The following C1orf198 variants were observed in gnomAD, a reference collection of about 807,000 sequenced individuals.
C1orf198 encodes the protein chromosome 1 open reading frame 198.
In C1orf198, 17 loss-of-function variants were observed where a neutral mutation model predicts 31.4. The observed-to-expected ratio is 0.54, with a 90% CI of 0.37 to 0.81. The LOEUF (loss-of-function observed/expected upper bound fraction) is 0.81, where lower values mean the gene tolerates loss of function less well. Among genes scored for constraint, C1orf198 ranks in the 40% least tolerant of loss-of-function variants. The probability of loss-of-function intolerance (pLI) is 0.00; values close to 1 mark genes in which losing one functional copy is unlikely to be tolerated. For missense variants in C1orf198, 401 were observed against 450.3 expected, an observed-to-expected ratio of 0.89 and a Z score of 0.99; for synonymous variants, 175 against 193.8, an observed-to-expected ratio of 0.90 and a Z score of 0.81.
chr1:230,859,938 G>A (rs1669972708), intron 1 of C1orf198, among the ~76,000 whole-genome samples: 1 of 152,150 alleles, frequency 6.6e-6, no homozygotes, highest in Non-Finnish European at 1.5e-5. Context: ...ATGGATACTG[G>A]AGGGCTTAAG....
At chr1:230,845,820 T>C (rs2103945) in intron 2 of C1orf198, among the ~76,000 whole-genome samples, 11,602 of 152,276 alleles carry the variant, frequency 0.076, 1,441 homozygotes, top group African/African-American at 0.26. Flanking sequence ...CCTCCTCCCA[T>C]AATCACTACT....
At chr1:230,844,033 G>T in intron 2 of C1orf198, 137 bp from the exon 3 acceptor site, 1 of 907,766 alleles carries the variant, frequency 1.1e-6, no homozygotes, top group Non-Finnish European at 1.6e-6. Context: ...CCATGTGCTG[G>T]AACTGTCTGT....
intron 1 of C1orf198, among the ~76,000 whole-genome samples, chr1:230,865,910 C>T (rs1435804078): frequency 6.6e-6 from 1 of 152,182 alleles, no homozygotes; most frequent in Admixed American, 6.5e-5. Context: ...GGAGAGGATA[C>T]CATTCAAAGA....
chr1:230,865,266 C>T (rs16852927), intron 1 of C1orf198, among the ~76,000 whole-genome samples: 21,379 of 152,188 alleles, frequency 0.14, 1,879 homozygotes, highest in East Asian at 0.38. Flanking sequence ...ACCGGCTCCT[C>T]TCCTTTTGCT....
intron 2 of C1orf198, among the ~76,000 whole-genome samples, chr1:230,847,011 G>A (rs1454637969): frequency 1.3e-5 from 2 of 150,722 alleles, no homozygotes; most frequent in African/African-American, 2.5e-5. Context: ...GCTGAGGCAG[G>A]AGAATGGCGT....
In C1orf198 at chr1:230,843,655, G is replaced by A. The variant is rs151055746; in HGVS notation, c.626C>T (p.Ser209Leu). 4.1e-4 allele frequency: 662 copies of A among 1,614,208 alleles called. 5 individuals are homozygous for A. Among genetic ancestry groups the A allele is most frequent in the South Asian group, 3.2e-3 (287 of 91,076 alleles). The change falls in exon 3 of 4, where the codon TCG (serine) becomes TTG (leucine). Residue 209 changes from serine (S) to leucine (L), a missense_variant. Transcript: ENST00000366663. This position sits in a 1 kb window ranked among gnomAD's most constrained non-coding sequence, Gnocchi z 4.9. ...RGEGPEAEFQ[S>L]LTPSQIKSME... Reference sequence around the variant, plus strand: ...GGACTTGATCTGGCTAGGGGTCAGCGACTGGAACTCGGCCTCAGGCCCCTC... The same window carrying A: ...GGACTTGATCTGGCTAGGGGTCAGCAACTGGAACTCGGCCTCAGGCCCCTC...
rs752916060 is a variant in C1orf198 at position 230,843,573 on chromosome 1, C to T, written c.708G>A (p.Lys236=). 9 of 1,614,056 alleles carry T rather than the reference C, an allele frequency of 5.6e-6. No homozygotes were observed. In the South Asian group the frequency reaches 9.9e-5, roughly 18 times the overall value. ...GCCTTTCCACCTTGGCCTCCCTGTC[C>T]TTCGGGGCAGGTTCCTGCCGGTAGC... ...PPCYRQEPAP[K]DREAKVERPS... is the part of the protein sequence containing the mutation. Residue 236 remains lysine (K), a synonymous_variant, in exon 3 of 4, where the codon AAG becomes AAA. Coordinates refer to ENST00000366663, the MANE Select transcript of C1orf198 (RefSeq NM_032800.3). This position sits in a 1 kb window ranked among gnomAD's most constrained non-coding sequence, Gnocchi z 4.9.
chr1:230,859,125 G>A (rs982275435), intron 1 of C1orf198, among the ~76,000 whole-genome samples: 4 of 152,168 alleles, frequency 2.6e-5, no homozygotes, highest in African/African-American at 7.2e-5. Flanking sequence ...GATGTCAGCC[G>A]TGGACTGCAC....
At chr1:230,860,368 G>A (rs927777021) in intron 1 of C1orf198, among the ~76,000 whole-genome samples, 4 of 152,244 alleles carry the variant, frequency 2.6e-5, no homozygotes, top group South Asian at 4.1e-4. Flanking sequence ...GTATACACCC[G>A]AAAGAACTGG....
chr1:230,855,760 G>A, intron 1 of C1orf198, 42 bp from the exon 2 acceptor site: 2 of 1,608,094 alleles, frequency 1.2e-6, no homozygotes, highest in Non-Finnish European at 1.7e-6. Context: ...TTCAAACCCA[G>A]ACATACCCCA....
chr1:230,848,932 G>A (rs74819656), intron 2 of C1orf198, among the ~76,000 whole-genome samples: 5,261 of 152,224 alleles, frequency 0.035, 297 homozygotes, highest in African/African-American at 0.12. Flanking sequence ...AGGAACTGCA[G>A]CCCATCCTGC....
At chr1:230,850,455 T>C (rs944974751) in intron 2 of C1orf198, among the ~76,000 whole-genome samples, 1 of 152,176 alleles carries the variant, frequency 6.6e-6, no homozygotes, top group African/African-American at 2.4e-5. Flanking sequence ...TGGGGCCTTC[T>C]CAGGTGGATA....
At position 230,857,965 on chromosome 1, in the gene C1orf198, T is replaced by A. The variant is rs1000142644; in HGVS notation, c.334-2247A>T. Among the ~76,000 whole-genome samples the A allele has an allele frequency of 1.1e-4, 17 of 152,378 alleles. No homozygotes were observed. Among genetic ancestry groups the A allele is most frequent in the South Asian group, 2.1e-4 (1 of 4,832 alleles). ...CTTATGATCCTGACTTCTGAACTGA[T>A]TGGTATGCAGTGCCTCATGGCTGTC... On this transcript the variant is annotated intron_variant, in intron 1 of 3. Transcript: ENST00000366663. This position sits in a 1 kb window ranked among gnomAD's most constrained non-coding sequence, Gnocchi z 4.2.
Position 230,840,565 on chromosome 1 carries a change from T to C in C1orf198, c.928-657A>G, listed in dbSNP as rs1669413879. On this transcript the variant is annotated intron_variant, in intron 3 of 3. Transcript: ENST00000366663. The surrounding 1 kb of genome is among the most constrained non-coding windows in gnomAD (Gnocchi z 4.0). ...AAGGGCTTAACTGACAGGTCCCCTCTTGTGAGCATGGGCTGTCTCAAGCTG... is the reference window on the plus strand; with the variant it reads ...AAGGGCTTAACTGACAGGTCCCCTCCTGTGAGCATGGGCTGTCTCAAGCTG... 6.6e-6 allele frequency among the ~76,000 whole-genome samples: 1 copy of C among 152,206 alleles called. No individual in the cohort carries two copies. The highest frequency in any genetic ancestry group is 2.4e-5 in the African/African-American group (1 of 41,458).
chr1:230,866,882 C>G (rs1670133006), intron 1 of C1orf198, among the ~76,000 whole-genome samples: 1 of 152,172 alleles, frequency 6.6e-6, no homozygotes, highest in Non-Finnish European at 1.5e-5. Context: ...CCTGGCAAAG[C>G]CATCAGAATT....
chr1:230,858,083 C>G (rs1174692711), intron 1 of C1orf198, among the ~76,000 whole-genome samples: 2 of 152,196 alleles, frequency 1.3e-5, no homozygotes, highest in African/African-American at 4.8e-5. Context: ...AACTTCATTC[C>G]TCCAAAAATG....
At chr1:230,868,568 C>T, upstream of C1orf198, 1 of 1,134,380 alleles carries the variant, frequency 8.8e-7, no homozygotes, top group Non-Finnish European at 1.1e-6. Flanking sequence ...TGCCCGCCCT[C>T]GCCCCGCCCC....
At chr1:230,849,862 A>C (rs367864004) in intron 2 of C1orf198, among the ~76,000 whole-genome samples, 1 of 152,246 alleles carries the variant, frequency 6.6e-6, no homozygotes, top group South Asian at 2.1e-4. Context: ...GAAGAGGAGG[A>C]AGATGAGCAG....
At chr1:230,863,880 A>G (rs1670052931) in intron 1 of C1orf198, among the ~76,000 whole-genome samples, 1 of 152,284 alleles carries the variant, frequency 6.6e-6, no homozygotes, top group Non-Finnish European at 1.5e-5. Context: ...GGTGGGAATC[A>G]TAATTCAAAC....
Sources: gnomAD v4.1 joint callset for allele counts (sites outside exome capture counted in the v4.1 genomes callset) on GRCh38, gnomAD v4.1.1 for gene constraint, Gnocchi (gnomAD v3.1) non-coding constraint, MANE v1.5 for transcripts, NCBI Gene and HGNC (gene_info 2026-07-23, HGNC 2026-07-21) for gene names.